PLXNA4: variants seen among roughly 807,000 people sequenced by gnomAD.
PLXNA4 encodes the protein plexin-A4.
Under a neutral mutation model 191.8 loss-of-function variants are expected in PLXNA4, and 44 were observed. The observed-to-expected ratio is 0.23, with a 90% CI of 0.18 to 0.29. The LOEUF is 0.29. Ranked by LOEUF, PLXNA4 falls within the 10% of genes least tolerant of loss-of-function variation. PLXNA4 has a pLI of 1.00. For missense variants in PLXNA4, 1,800 were observed against 2,488.8 expected, an observed-to-expected ratio of 0.72 and a Z score of 5.89; for synonymous variants, 1,082 against 1,009.5, an observed-to-expected ratio of 1.07 and a Z score of -1.36.
Position 132,332,282 on chromosome 7 carries a change from T to C in PLXNA4, c.1372-34060A>G, listed in dbSNP as rs183994146. ...GCAATGCACTACCAGGGTCACAGCC[T>C]TTTCCTATAGTGTTTCTGGGACCTG... is the stretch of plus-strand genomic sequence containing the variant. On this transcript the variant is annotated intron_variant, in intron 3 of 31. Coordinates refer to ENST00000321063, the MANE Select transcript of PLXNA4 (RefSeq NM_020911.2). Among the ~76,000 whole-genome samples the C allele has an allele frequency of 2.6e-5, 4 of 152,298 alleles. No homozygotes were observed. The East Asian group carries it at 5.8e-4, about 22-fold the overall frequency.
chr7:132,368,653 A>C (rs1804294692), intron 3 of PLXNA4, among the ~76,000 whole-genome samples: 2 of 152,160 alleles, frequency 1.3e-5, no homozygotes, highest in Non-Finnish European at 2.9e-5. Context: ...TGCTGGGCTC[A>C]AAGACACCTG....
At chr7:132,445,991 G>T (rs1289678473) in intron 3 of PLXNA4, among the ~76,000 whole-genome samples, 1 of 152,184 alleles carries the variant, frequency 6.6e-6, no homozygotes, top group African/African-American at 2.4e-5. Context: ...ATGTCTCCCT[G>T]GTAGGCTTAG....
chr7:132,251,051 C>CT (rs34455636), intron 4 of PLXNA4, among the ~76,000 whole-genome samples: 72,660 of 129,894 alleles, frequency 0.56, 20,692 homozygotes, highest in African/African-American at 0.68. Context: ...CTGTTCCAGC[C>CT]TTTTTTTTTT....
At chr7:132,636,848 A>T (rs1210687572) in intron 2 of PLXNA4, among the ~76,000 whole-genome samples, 1 of 152,042 alleles carries the variant, frequency 6.6e-6, no homozygotes, top group African/African-American at 2.4e-5. Flanking sequence ...ACCCAAGCCA[A>T]CCCTCGCCTT....
Position 132,455,032 on chromosome 7 carries a change from C to A in PLXNA4, c.1371+34260G>T, listed in dbSNP as rs936681369. Among the ~76,000 whole-genome samples, 22 of 152,336 alleles carry A rather than the reference C, an allele frequency of 1.4e-4. No homozygotes were observed. In the Middle Eastern group the frequency reaches 0.014, roughly 94 times the overall value. On this transcript the variant is annotated intron_variant, in intron 3 of 31. Transcript: ENST00000321063. ...TTCTGTGTATCCCTGCACTGGGTGGCAGCCTGAGGCTGTAGAAGTACCACC... is the reference window on the plus strand; with the variant it reads ...TTCTGTGTATCCCTGCACTGGGTGGAAGCCTGAGGCTGTAGAAGTACCACC...
chr7:132,284,661 T>C (rs1270952276), intron 4 of PLXNA4, among the ~76,000 whole-genome samples: 1 of 152,170 alleles, frequency 6.6e-6, no homozygotes, highest in Non-Finnish European at 1.5e-5. Context: ...GTGGGGCCGA[T>C]GGAGGCCTCC....
At chr7:132,215,315 T>C (rs574801895) in intron 9 of PLXNA4, among the ~76,000 whole-genome samples, 2 of 152,362 alleles carry the variant, frequency 1.3e-5, no homozygotes, top group South Asian at 4.1e-4. Flanking sequence ...TGCCAGCCAT[T>C]TGGCCTTGGG....
At chr7:132,543,836 C>G (rs1426796913) in intron 1 of PLXNA4, among the ~76,000 whole-genome samples, 1 of 152,128 alleles carries the variant, frequency 6.6e-6, no homozygotes, top group Non-Finnish European at 1.5e-5. Flanking sequence ...GGGCATGAGA[C>G]CAAAATCAGG....
intron 18 of PLXNA4, 105 bp downstream of exon 18, chr7:132,181,276 G>A (rs1420842304): frequency 6.4e-7 from 1 of 1,554,468 alleles, no homozygotes; most frequent in African/African-American, 1.4e-5. Context: ...ACCTCTGCAA[G>A]AGATGCTGGT....
At chr7:132,431,579 T>G (rs1023669815) in intron 3 of PLXNA4, among the ~76,000 whole-genome samples, 1 of 151,880 alleles carries the variant, frequency 6.6e-6, no homozygotes, top group Non-Finnish European at 1.5e-5. Flanking sequence ...AACACAGGAG[T>G]GTCACAGCAT....
rs571719823 is a variant in PLXNA4, at chr7:132,409,065, G to T, written c.1371+80227C>A. On this transcript the variant is annotated intron_variant, in intron 3 of 31. Coordinates refer to ENST00000321063, the MANE Select transcript of PLXNA4 (RefSeq NM_020911.2). ...ATCATCCTAACAAGACATGGACTTG[G>T]ATGGTCTTCTAGAAGATGCAGCTGT... Among the ~76,000 whole-genome samples, 3 of 152,288 alleles carry T rather than the reference G, an allele frequency of 2.0e-5. No homozygotes were observed. The South Asian group carries it at 6.2e-4, about 32-fold the overall frequency.
chr7:132,385,444 G>T lies in PLXNA4; in HGVS notation c.1372-87222C>A, dbSNP rs1805086651. 29 of 1,230,900 alleles carry T rather than the reference G, an allele frequency of 2.4e-5. No individual in the cohort carries two copies. The South Asian group carries it at 4.2e-4, about 18-fold the overall frequency. 76.2% of individuals were successfully genotyped at this position (1,230,900 alleles called of 1,614,324 possible). ...ATATGTATTACAAAATGTATTAAGA[G>T]CCTCAATATCTATGGAGCAGAACTA... On this transcript the variant is annotated intron_variant, in intron 3 of 31. Transcript: ENST00000321063.
chr7:132,387,139 G>C (rs1453430635), intron 3 of PLXNA4, among the ~76,000 whole-genome samples: 1 of 152,150 alleles, frequency 6.6e-6, no homozygotes, highest in African/African-American at 2.4e-5. Context: ...ATGCTGAATT[G>C]CGCTGGTCTA....
intron 3 of PLXNA4, among the ~76,000 whole-genome samples, chr7:132,327,593 G>A (rs754732146): frequency 3.3e-5 from 5 of 151,998 alleles, no homozygotes; most frequent in Admixed American, 6.6e-5. Context: ...CACCAAGGTC[G>A]GACACCCATG....
chr7:132,337,266 A>C (rs1802854629), intron 3 of PLXNA4, among the ~76,000 whole-genome samples: 1 of 152,258 alleles, frequency 6.6e-6, no homozygotes, highest in Non-Finnish European at 1.5e-5. Flanking sequence ...GCATGTGTGC[A>C]GCTATGTGCA....
At chr7:132,310,023 A>C (rs2116573870) in intron 3 of PLXNA4, among the ~76,000 whole-genome samples, 1 of 152,286 alleles carries the variant, frequency 6.6e-6, no homozygotes, top group South Asian at 2.1e-4. Flanking sequence ...GACAGCCATG[A>C]GTGTGTCAAC....
intron 3 of PLXNA4, among the ~76,000 whole-genome samples, chr7:132,350,622 T>A (rs958547771): frequency 2.0e-5 from 3 of 151,856 alleles, no homozygotes; most frequent in African/African-American, 7.3e-5. Context: ...ATGGCTAGAG[T>A]AAAGGATAGA....
chr7:132,261,897 C>G (rs1000126942), intron 4 of PLXNA4, among the ~76,000 whole-genome samples: 1 of 152,136 alleles, frequency 6.6e-6, no homozygotes, highest in African/African-American at 2.4e-5. Context: ...CACACACAGT[C>G]CCAGGGAAAT....
chr7:132,335,849 C>T (rs962428679), intron 3 of PLXNA4, among the ~76,000 whole-genome samples: 2 of 152,358 alleles, frequency 1.3e-5, no homozygotes, highest in African/African-American at 4.8e-5. Context: ...GTGTTGCCAC[C>T]TTGTCTCAAG....
Sources: gnomAD v4.1 joint callset for allele counts (sites outside exome capture counted in the v4.1 genomes callset) on GRCh38, gnomAD v4.1.1 for gene constraint, MANE v1.5 for transcripts, NCBI Gene and HGNC (gene_info 2026-07-23, HGNC 2026-07-21) for gene names.